The following ANGPTL4 variants were observed in gnomAD, a reference collection of about 807,000 sequenced individuals.
ANGPTL4 encodes the protein angiopoietin-related protein 4.
A neutral mutation model predicts 39.2 loss-of-function variants in ANGPTL4; 39 were observed. The ratio of observed to expected loss-of-function variants is 1.00; its 90% CI spans 0.77 to 1.30. The LOEUF is 1.30. Ranked by LOEUF, ANGPTL4 falls within the 50% of genes most tolerant of loss-of-function variation. The pLI, the probability that ANGPTL4 is intolerant of heterozygous loss-of-function variation, is 0.00. For synonymous variants in ANGPTL4, 233 were observed against 229.5 expected (o/e 1.02, Z -0.14); for missense variants, 545 against 549.8 (o/e 0.99, Z 0.09).
chr19:8,373,603 T>C (rs1971168635), intron 6 of ANGPTL4, 102 bp from the exon 7 acceptor site: 10 of 1,523,092 alleles, frequency 6.6e-6, no homozygotes, highest in Non-Finnish European at 9.0e-6. Context: ...AAGCCCAGCC[T>C]GGTCCCCAAC....
intron 4 of ANGPTL4, 134 bp from the exon 5 acceptor site, chr19:8,370,922 G>T: frequency 1.0e-6 from 1 of 971,126 alleles, no homozygotes; most frequent in Non-Finnish European, 1.6e-6. Context: ...CACCCTCCTC[G>T]AGTCCTCCAG....
chr19:8,366,247 CCTGCCCGAAGAAAGAGG>C lies in ANGPTL4; in HGVS notation c.484_500del (p.Arg162AspfsTer6). On this transcript the variant is annotated frameshift_variant, in exon 3 of 7. Coordinates refer to ENST00000301455, the MANE Select transcript of ANGPTL4 (RefSeq NM_139314.3). LOFTEE classifies it high-confidence loss of function. The stretch of plus-strand genomic sequence containing the variant: ...GCACCTAGACCATGAGGTGGCCAAG[CCTGCCCGAAGAAAGAGG>C]CTGCCCGAGATGGCCCAGCCAGTTG... 1 of 1,614,104 alleles carries C rather than the reference CCTGCCCGAAGAAAGAGG, an allele frequency of 6.2e-7. No homozygotes were observed.
At position 8,366,007 on chromosome 19, in the gene ANGPTL4, C is replaced by T; in HGVS notation, c.372C>T (p.Ala124=). 12 of 1,614,084 alleles carry T rather than the reference C, an allele frequency of 7.4e-6. No homozygotes were observed. Among genetic ancestry groups the T allele is most frequent in the African/African-American group, 1.3e-5 (1 of 75,006 alleles). ...SRIQQLFHKV[A]QQQRHLEKQH... is the part of the protein sequence containing the mutation. ...TCCAGCAACTCTTCCACAAGGTGGC[C>T]CAGCAGCAGCGGCACCTGGAGAAGC... The change falls in exon 2 of 7, where the codon GCC becomes GCT. Residue 124 remains alanine, a synonymous_variant. Transcript: ENST00000301455.
At chr19:8,369,447 A>C in intron 4 of ANGPTL4, 115 bp downstream of exon 4, 1 of 694,032 alleles carries the variant, frequency 1.4e-6, no homozygotes, top group Non-Finnish European at 2.3e-6. Flanking sequence ...TATGTTGCCC[A>C]AGCTGGTCTT....
intron 4 of ANGPTL4, 123 bp downstream of exon 4, chr19:8,369,455 CTTT>C (rs569969146): frequency 0.044 from 13,983 of 314,900 alleles, no homozygotes; most frequent in Middle Eastern, 0.057. Context: ...CCAAGCTGGT[CTTT>C]TTTTTTTTTT....
Position 8,374,205 on chromosome 19 carries a change from G to T in ANGPTL4, c.*319G>T. 2.6e-6 allele frequency: 1 copy of T among 378,834 alleles called. No homozygotes were observed. Among genetic ancestry groups the T allele is most frequent in the South Asian group, 2.5e-5 (1 of 39,996 alleles). 23.5% of individuals were successfully genotyped at this position (378,834 alleles called of 1,614,324 possible). Reference sequence around the variant, plus strand: ...TGGGGCCAGCCAGACTGGCCTCAATGGCGGACTCAGTCACATTGACTGACG... The same window carrying T: ...TGGGGCCAGCCAGACTGGCCTCAATTGCGGACTCAGTCACATTGACTGACG... On this transcript the variant is annotated 3_prime_UTR_variant, in exon 7 of 7. Transcript: ENST00000301455.
At chr19:8,366,417 T>C in intron 3 of ANGPTL4, 98 bp downstream of exon 3, 1 of 1,332,970 alleles carries the variant, frequency 7.5e-7, no homozygotes, top group East Asian at 2.4e-5. Flanking sequence ...AAGGAGAAGA[T>C]GTCCTGGCCT....
chr19:8,364,664 C>G, intron 1 of ANGPTL4, 25 bp downstream of exon 1: 1 of 1,569,460 alleles, frequency 6.4e-7, no homozygotes. Flanking sequence ...GGCTGGTTCT[C>G]CGCGCCCCTA....
At chr19:8,366,348 G>A in intron 3 of ANGPTL4, 29 bp downstream of exon 3, 1 of 1,606,482 alleles carries the variant, frequency 6.2e-7, no homozygotes, top group African/African-American at 1.3e-5. Flanking sequence ...ATGCTCTCCG[G>A]TGGCCACCCC....
At chr19:8,365,837 G>GAAAAAA (rs1366664526) in intron 1 of ANGPTL4, 117 bp from the exon 2 acceptor site, 2 of 808,280 alleles carry the variant, frequency 2.5e-6, no homozygotes, top group East Asian at 5.3e-5. Flanking sequence ...AAAGAAAAAA[G>GAAAAAA]AAAGACTCCC....
At position 8,364,583 on chromosome 19, in the gene ANGPTL4, G is replaced by A. The variant is rs1192212166; in HGVS notation, c.262G>A (p.Asp88Asn). ...SACQGTEGST[D>N]LPLAPESRVD... is the part of the protein sequence containing the mutation. Reference sequence around the variant, plus strand: ...CTGTCAGGGAACCGAGGGGTCCACCGACCTCCCGTTAGCCCCTGAGAGCCG... The same window carrying A: ...CTGTCAGGGAACCGAGGGGTCCACCAACCTCCCGTTAGCCCCTGAGAGCCG... The change falls in exon 1 of 7, where the codon GAC becomes AAC. Residue 88 changes from aspartate (D) to asparagine (N), a missense_variant. Coordinates refer to ENST00000301455, the MANE Select transcript of ANGPTL4 (RefSeq NM_139314.3). 2.5e-6 allele frequency: 4 copies of A among 1,589,826 alleles called. No homozygotes were observed. The highest frequency in any genetic ancestry group is 2.7e-5 in the African/African-American group (2 of 74,494).
intron 1 of ANGPTL4, among the ~76,000 whole-genome samples, chr19:8,365,582 G>A (rs1970985832): frequency 6.6e-6 from 1 of 152,148 alleles, no homozygotes; most frequent in Non-Finnish European, 1.5e-5. Flanking sequence ...TTGAGTCTGG[G>A]AGGCAGAGGT....
intron 2 of ANGPTL4, 51 bp downstream of exon 2, chr19:8,366,115 G>C (rs373597368): frequency 5.6e-6 from 9 of 1,607,948 alleles, no homozygotes; most frequent in Non-Finnish European, 6.8e-6. Context: ...TGGACCCCAG[G>C]TTGAGAGGGA....
In ANGPTL4 at chr19:8,365,950, C is replaced by G. The variant is rs1291088309; in HGVS notation, c.319-4C>G. The G allele has an allele frequency of 8.7e-6, 14 of 1,613,666 alleles. No individual in the cohort carries two copies. Among genetic ancestry groups the G allele is most frequent in the Non-Finnish European group, 1.1e-5 (13 of 1,179,738 alleles). On this transcript the variant is annotated splice_region_variant and splice_polypyrimidine_tract_variant and intron_variant, in intron 1 of 6. Transcript: ENST00000301455. ...TCCTCACCAAGGTTTTCACCCCTCC[C>G]CAGACACAACTCAAGGCTCAGAACA...
In ANGPTL4 at chr19:8,373,965, C is replaced by G; in HGVS notation, c.*79C>G. The G allele has an allele frequency of 6.6e-7, 1 of 1,523,262 alleles. No homozygotes were observed. Among genetic ancestry groups the G allele is most frequent in the Non-Finnish European group, 9.0e-7 (1 of 1,107,224 alleles). 94.4% of individuals were successfully genotyped at this position (1,523,262 alleles called of 1,614,324 possible). ...GCCCGAGGATGTGGCCGTTCCCTGC[C>G]TGGGCAGGGGCTCCAAGGAGGGGCC... On this transcript the variant is annotated 3_prime_UTR_variant, in exon 7 of 7. Transcript: ENST00000301455.
In ANGPTL4 at chr19:8,369,291, A is replaced by T. The variant is rs1479784262; in HGVS notation, c.620A>T (p.Gln207Leu). The change falls in exon 4 of 7, where the codon CAG becomes CTG. Residue 207 changes from glutamine to leucine, a missense_variant. Transcript: ENST00000301455. ...AGTGGACTATTTGAAATCCAGCCTC[A>T]GGGGTCTCCGCCATTTTTGGTGAAC... ...RQSGLFEIQP[Q>L]GSPPFLVNCK... 3 of 1,612,260 alleles carry T rather than the reference A, an allele frequency of 1.9e-6. No individual in the cohort carries two copies. The highest frequency in any genetic ancestry group is 2.5e-6 in the Non-Finnish European group (3 of 1,179,786).
At chr19:8,368,201 C>T (rs887890326) in intron 3 of ANGPTL4, among the ~76,000 whole-genome samples, 1 of 152,006 alleles carries the variant, frequency 6.6e-6, no homozygotes, top group Non-Finnish European at 1.5e-5. Flanking sequence ...GTATGTTTTA[C>T]TAGAGATGGG....
At chr19:8,370,881 A>C (rs889834320) in intron 4 of ANGPTL4, among the ~76,000 whole-genome samples, 175 bp from the exon 5 acceptor site, 18 of 152,074 alleles carry the variant, frequency 1.2e-4, no homozygotes, top group African/African-American at 4.1e-4. Context: ...GATCTTCCCA[A>C]GGCCAGCCCA....
intron 3 of ANGPTL4, 56 bp downstream of exon 3, chr19:8,366,375 A>G (rs1235084622): frequency 1.9e-6 from 3 of 1,561,278 alleles, no homozygotes; most frequent in Non-Finnish European, 1.8e-6. Context: ...GCCACTTGCC[A>G]TTGCTGGTCC....
Sources: allele counts gnomAD v4.1 joint callset (sites outside exome capture counted in the v4.1 genomes callset), GRCh38; gene constraint gnomAD v4.1.1; transcripts MANE v1.5; gene names NCBI Gene and HGNC (gene_info 2026-07-23, HGNC 2026-07-21).